The following TPO variants were observed in gnomAD, a reference collection of about 807,000 sequenced individuals.
TPO encodes thyroid microsomal antigen.
A neutral mutation model predicts 96.9 loss-of-function variants in TPO; 78 were observed. The observed-to-expected ratio is 0.81, with a 90% confidence interval of 0.67 to 0.97. The LOEUF (loss-of-function observed/expected upper bound fraction) is 0.97, where lower values mean the gene tolerates loss of function less well. Among genes scored for constraint, TPO ranks in the 50% least tolerant of loss-of-function variants. TPO has a pLI of 0.00. For synonymous variants in TPO, 547 were observed against 538.0 expected (o/e 1.02, Z -0.23); for missense variants, 1,252 against 1,274.8 (o/e 0.98, Z 0.27).
intron 1 of TPO, among the ~76,000 whole-genome samples, chr2:1,385,496 T>C (rs1661877291): frequency 6.6e-6 from 1 of 152,226 alleles, no homozygotes; most frequent in African/African-American, 2.4e-5. Context: ...TTTATTTGTG[T>C]AGAGGTGTTT....
intron 3 of TPO, among the ~76,000 whole-genome samples, chr2:1,428,284 T>C (rs1294147470): frequency 6.6e-6 from 1 of 152,166 alleles, no homozygotes; most frequent in African/African-American, 2.4e-5. Context: ...TAGCAGCAGA[T>C]GAACAGAGCA....
chr2:1,375,019 G>C (rs990309768), intron 1 of TPO, among the ~76,000 whole-genome samples: 21 of 151,840 alleles, frequency 1.4e-4, no homozygotes, highest in African/African-American at 5.1e-4. Flanking sequence ...ATGAACCACT[G>C]CACCCGACCA....
chr2:1,511,834 T>A (rs1343082392), intron 14 of TPO, among the ~76,000 whole-genome samples: 3 of 152,190 alleles, frequency 2.0e-5, no homozygotes, highest in Non-Finnish European at 4.4e-5. Flanking sequence ...GGATTCAGCA[T>A]GAGAATCTGG....
At position 1,525,328 on chromosome 2, in the gene TPO, A is replaced by G. The variant is rs565133536; in HGVS notation, c.2618+8346A>G. Among the ~76,000 whole-genome samples, 3 of 96,174 alleles carry G rather than the reference A, an allele frequency of 3.1e-5. No homozygotes were observed. The South Asian group carries it at 1.2e-3, about 38-fold the overall frequency. 63.1% of individuals were successfully genotyped at this position (96,174 alleles called of 152,430 possible). ...TCCCCCCCACTGTGTGCCTCCTCAAATCCCCTCACTATGTGCAACTCCACC... is the reference window on the plus strand; with the variant it reads ...TCCCCCCCACTGTGTGCCTCCTCAAGTCCCCTCACTATGTGCAACTCCACC... On this transcript the variant is annotated intron_variant, in intron 15 of 16. Coordinates refer to ENST00000329066, the MANE Select transcript of TPO (RefSeq NM_001206744.2).
chr2:1,521,445 A>G (rs182372474), intron 15 of TPO, among the ~76,000 whole-genome samples: 214 of 152,238 alleles, frequency 1.4e-3, no homozygotes, highest in Non-Finnish European at 2.7e-3. Flanking sequence ...CCTGTAAGCC[A>G]TGGGTGACCG....
rs573909569 is a variant in TPO at position 1,521,209 on chromosome 2, G to T, written c.2618+4227G>T. 1.3e-3 allele frequency among the ~76,000 whole-genome samples: 194 copies of T among 152,306 alleles called. 2 individuals are homozygous for T. The highest frequency in any genetic ancestry group is 4.6e-3 in the African/African-American group (192 of 41,552). ...AGCAAATCCATGGGAAAGCCGCGAG[G>T]TCCTTCCCTAGGATGCAGCCAGGTT... On this transcript the variant is annotated intron_variant, in intron 15 of 16. Transcript: ENST00000329066.
chr2:1,531,092 T>A (rs1558424234), intron 15 of TPO, among the ~76,000 whole-genome samples: 5 of 48,508 alleles, frequency 1.0e-4, no homozygotes, highest in Admixed American at 3.1e-4. Context: ...CCCCACTGTG[T>A]GCAACCTCCC....
At chr2:1,427,561 G>A (rs78337486) in intron 3 of TPO, among the ~76,000 whole-genome samples, 2,568 of 152,266 alleles carry the variant, frequency 0.017, 88 homozygotes, top group East Asian at 0.13. Flanking sequence ...GGCAAAGAGC[G>A]GGCACTGCAG....
rs372147989 is a variant in TPO at position 1,474,039 on chromosome 2, G to A, written c.820-3047G>A. ...TCTAGACTTTGGTCTAACTGAGATA[G>A]TACTAAGTACCAACAATGATAGCGG... On this transcript the variant is annotated intron_variant, in intron 7 of 16. Transcript: ENST00000329066. Among the ~76,000 whole-genome samples the A allele has an allele frequency of 2.0e-5, 3 of 152,104 alleles. No homozygotes were observed. In the East Asian group the frequency reaches 5.8e-4, roughly 29 times the overall value.
At chr2:1,528,515 A>ATTCCAACTGTGTACAACC (rs1677165486) in intron 15 of TPO, among the ~76,000 whole-genome samples, 1 of 138,690 alleles carries the variant, frequency 7.2e-6, no homozygotes, top group African/African-American at 2.9e-5. Context: ...ATTTCCCCAA[A>ATTCCAACTGTGTACAACC]TTCCAACTGT....
At chr2:1,479,354 T>G (rs1374305635) in intron 8 of TPO, among the ~76,000 whole-genome samples, 1 of 152,230 alleles carries the variant, frequency 6.6e-6, no homozygotes, top group African/African-American at 2.4e-5. Flanking sequence ...GACCCACAAT[T>G]TGCCAGGTTG....
At chr2:1,440,518 G>A (rs1035790375) in intron 5 of TPO, among the ~76,000 whole-genome samples, 8 of 152,222 alleles carry the variant, frequency 5.3e-5, no homozygotes, top group African/African-American at 1.4e-4. Flanking sequence ...AGTCGGTGCC[G>A]CAGGAGCTAC....
intron 3 of TPO, among the ~76,000 whole-genome samples, chr2:1,429,969 T>G (rs929216615): frequency 6.6e-6 from 1 of 152,214 alleles, no homozygotes; most frequent in African/African-American, 2.4e-5. Context: ...AATATCCTGT[T>G]TTCAGGGAAA....
intron 1 of TPO, among the ~76,000 whole-genome samples, chr2:1,400,798 T>C (rs1421023998): frequency 6.6e-6 from 1 of 152,230 alleles, no homozygotes; most frequent in Non-Finnish European, 1.5e-5. Context: ...GGAGTCTTCA[T>C]GTCTTGTCAA....
intron 7 of TPO, among the ~76,000 whole-genome samples, chr2:1,464,673 T>C (rs915044545): frequency 6.6e-6 from 1 of 152,224 alleles, no homozygotes; most frequent in Non-Finnish European, 1.5e-5. Context: ...TTTTTTCATA[T>C]GTTTGTTGGC....
At chr2:1,541,895 C>T (rs1373824233) in intron 16 of TPO, 2 of 158,246 alleles carry the variant, frequency 1.3e-5, no homozygotes, top group Non-Finnish European at 2.8e-5. Context: ...TAGATCCTGT[C>T]CTCGGAGATA....
At position 1,453,842 on chromosome 2, in the gene TPO, A is replaced by G; in HGVS notation, c.612+19A>G. On this transcript the variant is annotated intron_variant, in intron 6 of 16. Transcript: ENST00000329066. Reference sequence around the variant, plus strand: ...GCCCCCGGTGGGTACTCAGAACGCTACTATCCTGGACTAAGATTGGGTCCT... The same window carrying G: ...GCCCCCGGTGGGTACTCAGAACGCTGCTATCCTGGACTAAGATTGGGTCCT... 6.2e-7 allele frequency: 1 copy of G among 1,613,478 alleles called. No homozygotes were observed. The highest frequency in any genetic ancestry group is 8.5e-7 in the Non-Finnish European group (1 of 1,180,018).
intron 15 of TPO, among the ~76,000 whole-genome samples, chr2:1,536,615 C>T (rs1679703034): frequency 1.6e-5 from 1 of 62,556 alleles, no homozygotes; most frequent in Non-Finnish European, 3.2e-5. Flanking sequence ...CCTCAAATGC[C>T]CCTAGCTTTG....
chr2:1,409,949 G>A (rs912725443), upstream of TPO, among the ~76,000 whole-genome samples: 2 of 150,696 alleles, frequency 1.3e-5, no homozygotes, highest in Middle Eastern at 3.4e-3. Context: ...GGGCAGGTGC[G>A]GTGGGGGGCA....
Sources: allele counts gnomAD v4.1 joint callset (sites outside exome capture counted in the v4.1 genomes callset), GRCh38; gene constraint gnomAD v4.1.1; transcripts MANE v1.5; gene names NCBI Gene and HGNC (gene_info 2026-07-23, HGNC 2026-07-21).